The following KCNJ6 variants were observed in gnomAD, a reference collection of about 807,000 sequenced individuals.
KCNJ6 encodes the protein potassium inwardly rectifying channel subfamily J member 6, also known as G protein-activated inward rectifier potassium channel 2.
Under a neutral mutation model 34.2 loss-of-function variants are expected in KCNJ6, and 9 were observed. The observed-to-expected ratio is 0.26, with a 90% CI of 0.16 to 0.46. The LOEUF (loss-of-function observed/expected upper bound fraction) is 0.46, where lower values mean the gene tolerates loss of function less well. Among genes scored for constraint, KCNJ6 ranks in the 20% least tolerant of loss-of-function variants. The pLI is 1.00. For synonymous variants in KCNJ6, 196 were observed against 207.1 expected, an observed-to-expected ratio of 0.95 and a Z score of 0.46; for missense variants, 236 against 531.3, an observed-to-expected ratio of 0.44 and a Z score of 5.46.
intron 3 of KCNJ6, among the ~76,000 whole-genome samples, chr21:37,635,668 C>T (rs1259222307): frequency 2.0e-5 from 3 of 151,890 alleles, no homozygotes; most frequent in Admixed American, 6.6e-5. Flanking sequence ...CAGGCATGTG[C>T]CACCACACCT....
At chr21:37,742,766 G>T (rs2054947616) in intron 2 of KCNJ6, among the ~76,000 whole-genome samples, 1 of 152,282 alleles carries the variant, frequency 6.6e-6, no homozygotes. Context: ...CTCTAATTCA[G>T]ATTCCATCAG....
chr21:37,792,268 G>A (rs1025501810), intron 2 of KCNJ6, among the ~76,000 whole-genome samples: 27 of 152,190 alleles, frequency 1.8e-4, no homozygotes, highest in Admixed American at 1.2e-3. Flanking sequence ...CAAGTCTCCA[G>A]CAAACCCTGC....
chr21:37,813,598 C>G (rs1224987437), intron 2 of KCNJ6, among the ~76,000 whole-genome samples: 2 of 152,118 alleles, frequency 1.3e-5, no homozygotes, highest in Admixed American at 6.6e-5. Context: ...GAAGCAAATC[C>G]ATACACCTGC....
intron 2 of KCNJ6, among the ~76,000 whole-genome samples, chr21:37,797,538 C>G (rs1458450793): frequency 6.6e-6 from 1 of 152,180 alleles, no homozygotes; most frequent in African/African-American, 2.4e-5. Context: ...AATTATAACA[C>G]CAATGAAAAC....
At chr21:37,702,626 G>A (rs1488154145) in intron 3 of KCNJ6, among the ~76,000 whole-genome samples, 3 of 152,160 alleles carry the variant, frequency 2.0e-5, no homozygotes. Flanking sequence ...CAGGGGAGAG[G>A]TTAGTACTGA....
chr21:37,692,980 T>A (rs143598794), intron 3 of KCNJ6, among the ~76,000 whole-genome samples: 66 of 152,332 alleles, frequency 4.3e-4, no homozygotes, highest in African/African-American at 1.6e-3. Flanking sequence ...AGAAACTCAT[T>A]CTGTAAGTGA....
Position 37,761,791 on chromosome 21 carries a change from G to A in KCNJ6, c.26-46660C>T, listed in dbSNP as rs148273176. ...TGTATGTAGTGTGTGTGTGGTATGTGTGCATATGTTGTGTATAGTGTTGTG... is the reference window on the plus strand; with the variant it reads ...TGTATGTAGTGTGTGTGTGGTATGTATGCATATGTTGTGTATAGTGTTGTG... On this transcript the variant is annotated intron_variant, in intron 2 of 3. Transcript: ENST00000609713. 6.0e-4 allele frequency among the ~76,000 whole-genome samples: 92 copies of A among 152,070 alleles called. No homozygotes were observed. In the East Asian group the frequency reaches 0.017, roughly 28 times the overall value.
intron 1 of KCNJ6, among the ~76,000 whole-genome samples, chr21:37,890,941 A>T (rs2836037): frequency 0.2 from 30,314 of 152,172 alleles, 4,111 homozygotes; most frequent in East Asian, 0.55. Flanking sequence ...GGCAACCTTA[A>T]TAAAAATCTT....
intron 2 of KCNJ6, among the ~76,000 whole-genome samples, chr21:37,739,738 T>C (rs1378436459): frequency 6.6e-6 from 1 of 152,086 alleles, no homozygotes; most frequent in Non-Finnish European, 1.5e-5. Context: ...GTATCTTATG[T>C]TGATGCCATG....
At chr21:37,900,557 G>A (rs757631400) in intron 1 of KCNJ6, among the ~76,000 whole-genome samples, 1 of 152,224 alleles carries the variant, frequency 6.6e-6, no homozygotes, top group Non-Finnish European at 1.5e-5. Context: ...TATGGAGGAA[G>A]TTTAATCGGG....
At chr21:37,879,312 C>T (rs994032757) in intron 1 of KCNJ6, among the ~76,000 whole-genome samples, 4 of 152,156 alleles carry the variant, frequency 2.6e-5, no homozygotes, top group African/African-American at 9.7e-5. Context: ...TGTGAAATGC[C>T]TCCAGAACAA....
chr21:37,627,588 A>G (rs1358721929), intron 3 of KCNJ6, among the ~76,000 whole-genome samples: 1 of 152,222 alleles, frequency 6.6e-6, no homozygotes, highest in African/African-American at 2.4e-5. Flanking sequence ...TAGGGCTGTG[A>G]TAACAGTTGG....
At chr21:37,683,964 C>T (rs979730630) in intron 3 of KCNJ6, among the ~76,000 whole-genome samples, 1 of 152,230 alleles carries the variant, frequency 6.6e-6, no homozygotes, top group Admixed American at 6.5e-5. Flanking sequence ...TTTGGTGAGC[C>T]TGCCCTAAAC....
chr21:37,733,744 G>A (rs2054898176), intron 2 of KCNJ6, among the ~76,000 whole-genome samples: 1 of 152,186 alleles, frequency 6.6e-6, no homozygotes, highest in African/African-American at 2.4e-5. Context: ...GGTTTCATAA[G>A]GCAGGTTTCG....
In KCNJ6 at chr21:37,783,508, G is replaced by A. The variant is rs775867977; in HGVS notation, c.25+57150C>T. Among the ~76,000 whole-genome samples, 49 of 151,998 alleles carry A rather than the reference G, an allele frequency of 3.2e-4. 1 individual carries two copies. Among genetic ancestry groups the A allele is most frequent in the Non-Finnish European group, 1.2e-4 (8 of 68,004 alleles). On this transcript the variant is annotated intron_variant, in intron 2 of 3. Transcript: ENST00000609713. ...TTTTGCCTCCCACCATGATTCTAAG[G>A]CCTCCCCAGCCACATGGAACTGTAA...
chr21:37,882,521 C>T (rs532048146), intron 1 of KCNJ6, among the ~76,000 whole-genome samples: 8 of 152,196 alleles, frequency 5.3e-5, no homozygotes, highest in African/African-American at 1.7e-4. Context: ...AGCCCTTCGC[C>T]CCCAGCCTTT....
At chr21:37,748,744 C>T (rs567085756) in intron 2 of KCNJ6, among the ~76,000 whole-genome samples, 1 of 152,324 alleles carries the variant, frequency 6.6e-6, no homozygotes, top group East Asian at 1.9e-4. Context: ...TTTTTGTTCA[C>T]TTTATGCAAA....
At chr21:37,720,170 T>A (rs986371895) in intron 2 of KCNJ6, among the ~76,000 whole-genome samples, 4 of 152,098 alleles carry the variant, frequency 2.6e-5, no homozygotes, top group African/African-American at 4.8e-5. Flanking sequence ...TAGAATACAT[T>A]TATATTACTT....
intron 3 of KCNJ6, among the ~76,000 whole-genome samples, chr21:37,686,952 C>T (rs2054618442): frequency 1.3e-5 from 2 of 152,138 alleles, no homozygotes; most frequent in Non-Finnish European, 2.9e-5. Context: ...GAGCACTCTT[C>T]TTAAAGGCAG....
Sources: gnomAD v4.1 joint callset for allele counts (sites outside exome capture counted in the v4.1 genomes callset) on GRCh38, gnomAD v4.1.1 for gene constraint, MANE v1.5 for transcripts, NCBI Gene and HGNC (gene_info 2026-07-23, HGNC 2026-07-21) for gene names.